The following OR52N2 variants were observed in gnomAD, a reference collection of about 807,000 sequenced individuals.
The protein encoded by OR52N2 is olfactory receptor family 52 subfamily N member 2, also known as olfactory receptor 52N2.
For missense variants in OR52N2, 326 were observed against 196.6 expected (o/e 1.66, Z -3.94); for synonymous variants, 129 against 72.0 (o/e 1.79, Z -4.01).
In OR52N2 at chr11:5,820,832, A is replaced by G; in HGVS notation, c.497A>G (p.Lys166Arg). The change falls in exon 2 of 2, where the codon AAG becomes AGG. Residue 166 changes from lysine (K) to arginine (R), a missense_variant. Lys to Arg is a conservative substitution (Grantham distance 26). Coordinates refer to ENST00000317037, the MANE Select transcript of OR52N2 (RefSeq NM_001005174.3). The stretch of plus-strand genomic sequence containing the variant: ...ATCATCCCATTCACTCTCCTCACCA[A>G]GCGCCTGCCCTATTGCCGGGGGAAC... ...MLIIPFTLLT[K>R]RLPYCRGNFI... 1 of 780,014 alleles carries G rather than the reference A, an allele frequency of 1.3e-6. No individual in the cohort carries two copies. The highest frequency in any genetic ancestry group is 1.3e-5 in the South Asian group (1 of 74,442). 48.3% of individuals were successfully genotyped at this position (780,014 alleles called of 1,614,324 possible).
rs145634846 is a variant in OR52N2 at position 5,820,947 on chromosome 11, T to C, written c.612T>C (p.Val204=). The part of the protein sequence containing the change: ...FKVNAIYGLM[V]ALLIGVFDIC... The stretch of plus-strand genomic sequence containing the variant: ...TCAATGCTATTTATGGTCTGATGGT[T>C]GCTCTCCTGATTGGTGTGTTTGATA... Residue 204 remains valine, a synonymous_variant, in exon 2 of 2, where the codon GTT becomes GTC. Transcript: ENST00000317037. 83 of 780,944 alleles carry C rather than the reference T, an allele frequency of 1.1e-4. No homozygotes were observed. Among genetic ancestry groups the C allele is most frequent in the Non-Finnish European group, 1.9e-4 (81 of 418,136 alleles). The allele number at this position is 780,944 out of a possible 1,614,324, so 48.4% of individuals were successfully genotyped here.
At chr11:5,812,708 C>A (rs12792672) in intron 1 of OR52N2, among the ~76,000 whole-genome samples, 1 of 151,636 alleles carries the variant, frequency 6.6e-6, no homozygotes, top group Non-Finnish European at 1.5e-5. Context: ...GATGTCAACA[C>A]CGCATTTTCA....
chr11:5,813,618 C>T (rs1846380594), intron 1 of OR52N2, among the ~76,000 whole-genome samples: 1 of 152,118 alleles, frequency 6.6e-6, no homozygotes, highest in Admixed American at 6.6e-5. Flanking sequence ...GGAATTAATA[C>T]CAAGTATTTT....
chr11:5,813,431 T>C lies in OR52N2; in HGVS notation c.-55+4377T>C, dbSNP rs148789315. On this transcript the variant is annotated intron_variant, in intron 1 of 1. Coordinates refer to ENST00000317037, the MANE Select transcript of OR52N2 (RefSeq NM_001005174.3). ...TTACAGAAAGTCAATAAGGAAACAT[T>C]GGACCTGAACTGCACTTACAACTTA... is the stretch of plus-strand genomic sequence containing the variant. 8.9e-3 allele frequency among the ~76,000 whole-genome samples: 1,352 copies of C among 152,160 alleles called. 6 individuals are homozygous for C. Among genetic ancestry groups the C allele is most frequent in the Middle Eastern group, 0.048 (14 of 292 alleles).
At chr11:5,813,980 T>C (rs1846383131) in intron 1 of OR52N2, among the ~76,000 whole-genome samples, 1 of 152,176 alleles carries the variant, frequency 6.6e-6, no homozygotes, top group African/African-American at 2.4e-5. Context: ...CCTTTCATGA[T>C]GAAAACTTTT....
Position 5,820,735 on chromosome 11 carries a change from T to A in OR52N2, c.400T>A (p.Tyr134Asn). The change falls in exon 2 of 2, where the codon TAT (tyrosine) becomes AAT (asparagine). Residue 134 changes from tyrosine to asparagine, a missense_variant. By Grantham distance (143) the Tyr-to-Asn change is moderately radical. Coordinates refer to ENST00000317037, the MANE Select transcript of OR52N2 (RefSeq NM_001005174.3). ...TGTGGCCATCTGCTACCCCTTACGC[T>A]ATGCCACCATCCTTACCAACCCTGT... ...RYVAICYPLR[Y>N]ATILTNPVIA... is the part of the protein sequence containing the mutation. 1.3e-6 allele frequency: 1 copy of A among 782,082 alleles called. No homozygotes were observed. The highest frequency in any genetic ancestry group is 2.4e-6 in the Non-Finnish European group (1 of 422,332). The allele number at this position is 782,082 out of a possible 1,614,324, so 48.4% of individuals were successfully genotyped here.
intron 1 of OR52N2, among the ~76,000 whole-genome samples, chr11:5,813,319 AG>A (rs1236375827): frequency 6.6e-6 from 1 of 152,142 alleles, no homozygotes; most frequent in African/African-American, 2.4e-5. Context: ...AGAAATCCAA[AG>A]GGTCATAAGA....
intron 1 of OR52N2, among the ~76,000 whole-genome samples, chr11:5,813,366 T>C (rs1360560856): frequency 6.6e-6 from 1 of 152,096 alleles, no homozygotes. Flanking sequence ...ACAAACTGGA[T>C]AACTTACAAG....
rs1325126698 is a variant in OR52N2 at position 5,820,430 on chromosome 11, C to A, written c.95C>A (p.Pro32Gln). The A allele has an allele frequency of 1.3e-6, 1 of 780,816 alleles. No individual in the cohort carries two copies. 48.4% of individuals were successfully genotyped at this position (780,816 alleles called of 1,614,324 possible). Residue 32 changes from proline to glutamine, a missense_variant, in exon 2 of 2, where the codon CCA becomes CAA. Transcript: ENST00000317037. ...LEATHIWISL[P>Q]FCFMYIIAVV... ...GCCACACACATCTGGATCTCCCTGCCATTCTGCTTTATGTACATCATTGCT... is the reference window on the plus strand; with the variant it reads ...GCCACACACATCTGGATCTCCCTGCAATTCTGCTTTATGTACATCATTGCT...
At position 5,820,677 on chromosome 11, in the gene OR52N2, T is replaced by C. The variant is rs756137915; in HGVS notation, c.342T>C (p.Ser114=). 1 of 793,076 alleles carries C rather than the reference T, an allele frequency of 1.3e-6. No homozygotes were observed. Among genetic ancestry groups the C allele is most frequent in the African/African-American group, 1.7e-5 (1 of 59,450 alleles). The allele number at this position is 793,076 out of a possible 1,614,324, so 49.1% of individuals were successfully genotyped here. The change falls in exon 2 of 2, where the codon TCT becomes TCC. Residue 114 remains serine, a synonymous_variant. Transcript: ENST00000317037. ...TCCATATGCTGACAGGGATGGAGTCTGGGGTGCTCATGCTCATGGCCCTGG... is the reference window on the plus strand; with the variant it reads ...TCCATATGCTGACAGGGATGGAGTCCGGGGTGCTCATGCTCATGGCCCTGG... ...FFVHMLTGME[S]GVLMLMALDR...
At chr11:5,810,390 G>A (rs530828108) in intron 1 of OR52N2, among the ~76,000 whole-genome samples, 1 of 152,110 alleles carries the variant, frequency 6.6e-6, no homozygotes, top group Non-Finnish European at 1.5e-5. Flanking sequence ...AACTGAGGAG[G>A]AAAGTACAAG....
rs562822128 is a variant in OR52N2, at chr11:5,818,502, C to A, written c.-54-1780C>A. ...AGATTTCAAACAACTCCTAAAGATT[C>A]TCAGCCATGCACAGAGATTTGATTG... On this transcript the variant is annotated intron_variant, in intron 1 of 1. Transcript: ENST00000317037. Among the ~76,000 whole-genome samples the A allele has an allele frequency of 1.1e-4, 17 of 152,186 alleles. No individual in the cohort carries two copies. The South Asian group carries it at 3.1e-3, about 28-fold the overall frequency.
intron 1 of OR52N2, among the ~76,000 whole-genome samples, chr11:5,815,820 A>G (rs536217549): frequency 2.6e-5 from 4 of 152,156 alleles, no homozygotes; most frequent in Non-Finnish European, 5.9e-5. Flanking sequence ...AGATATAAGA[A>G]CAATCTAATT....
intron 1 of OR52N2, among the ~76,000 whole-genome samples, chr11:5,814,459 A>C (rs1429713533): frequency 1.3e-5 from 2 of 152,034 alleles, no homozygotes; most frequent in African/African-American, 4.8e-5. Context: ...TTTTATTTTT[A>C]ATTCCATTGT....
intron 1 of OR52N2, among the ~76,000 whole-genome samples, chr11:5,818,599 G>T (rs766224541): frequency 6.6e-6 from 1 of 150,624 alleles, no homozygotes; most frequent in Non-Finnish European, 1.5e-5. Context: ...GACATTTTTG[G>T]CAAAGAATGC....
chr11:5,808,955 C>T lies in OR52N2; in HGVS notation c.-154C>T, dbSNP rs1252501134. On this transcript the variant is annotated 5_prime_UTR_variant, in exon 1 of 2. Coordinates refer to ENST00000317037, the MANE Select transcript of OR52N2 (RefSeq NM_001005174.3). Reference sequence around the variant, plus strand: ...CGCGGTATTGCAAGCCTCTCCTCCTCGCGTTGCTGAGAGTCCGAGTTTATT... The same window carrying T: ...CGCGGTATTGCAAGCCTCTCCTCCTTGCGTTGCTGAGAGTCCGAGTTTATT... 1.3e-5 allele frequency among the ~76,000 whole-genome samples: 2 copies of T among 151,814 alleles called. No individual in the cohort carries two copies.
intron 1 of OR52N2, among the ~76,000 whole-genome samples, chr11:5,814,346 T>C (rs1846385595): frequency 3.6e-5 from 1 of 27,888 alleles, no homozygotes; most frequent in African/African-American, 8.3e-5. Flanking sequence ...TGCCTTTTTA[T>C]ACGTTAACAA....
At chr11:5,817,287 G>T (rs1189844406) in intron 1 of OR52N2, among the ~76,000 whole-genome samples, 1 of 151,912 alleles carries the variant, frequency 6.6e-6, no homozygotes. Flanking sequence ...GTTTTGTGGG[G>T]TTTTTTAGTA....
chr11:5,812,177 C>T (rs548865538), intron 1 of OR52N2, among the ~76,000 whole-genome samples: 19 of 152,060 alleles, frequency 1.2e-4, no homozygotes, highest in Non-Finnish European at 2.2e-4. Context: ...ATTCTGCACA[C>T]GTATCCTGTT....
Sources: allele counts gnomAD v4.1 joint callset (sites outside exome capture counted in the v4.1 genomes callset), GRCh38; gene constraint gnomAD v4.1.1; transcripts MANE v1.5; gene names NCBI Gene and HGNC (gene_info 2026-07-23, HGNC 2026-07-21).